The following CREB5 variants were observed in gnomAD, a reference collection of about 807,000 sequenced individuals.
CREB5 encodes cAMP responsive element binding protein 5.
Under a neutral mutation model 57.1 loss-of-function variants are expected in CREB5, and 19 were observed. The ratio of observed to expected loss-of-function variants is 0.33; its 90% CI spans 0.23 to 0.49. The LOEUF (loss-of-function observed/expected upper bound fraction) is 0.49. CREB5 is among the 20% of genes least tolerant of loss of function. CREB5 has a pLI of 0.99. For synonymous variants in CREB5, 238 were observed against 238.3 expected, an observed-to-expected ratio of 1.00 and a Z score of 0.01; for missense variants, 579 against 671.6, an observed-to-expected ratio of 0.86 and a Z score of 1.52.
intron 7 of CREB5, among the ~76,000 whole-genome samples, chr7:28,729,876 T>G (rs1803519518): frequency 6.6e-6 from 1 of 152,190 alleles, no homozygotes; most frequent in African/African-American, 2.4e-5. Context: ...GATGATGGGC[T>G]GAAGTAAGAT....
rs747483817 is a variant in CREB5, at chr7:28,819,209, G to T, written c.1457G>T (p.Ser486Ile). Residue 486 changes from serine (S) to isoleucine (I), a missense_variant, in exon 11 of 11, where the codon AGC becomes ATC. Physicochemically the swap from Ser to Ile is moderately radical, Grantham distance 142. Coordinates refer to ENST00000357727, the MANE Select transcript of CREB5 (RefSeq NM_182898.4). Reference protein sequence around the residue: ...HNTITTSSSVSEVVGSSTLSQ... With the variant: ...HNTITTSSSVIEVVGSSTLSQ... Reference sequence around the variant, plus strand: ...ACCATCACTACTTCCTCATCGGTCAGCGAGGTGGTAGGAAGCTCCACCCTC... The same window carrying T: ...ACCATCACTACTTCCTCATCGGTCATCGAGGTGGTAGGAAGCTCCACCCTC... 3 of 1,613,726 alleles carry T rather than the reference G, an allele frequency of 1.9e-6. No homozygotes were observed. Among genetic ancestry groups the T allele is most frequent in the Middle Eastern group, 1.6e-4 (1 of 6,078 alleles).
chr7:28,531,939 G>A (rs1793748332), intron 4 of CREB5, among the ~76,000 whole-genome samples: 1 of 152,242 alleles, frequency 6.6e-6, no homozygotes, highest in Non-Finnish European at 1.5e-5. Context: ...TGAGGTAGGA[G>A]AATCGTTTGA....
chr7:28,574,627 G>A (rs1024307588), intron 5 of CREB5, among the ~76,000 whole-genome samples: 14 of 152,178 alleles, frequency 9.2e-5, no homozygotes, highest in Non-Finnish European at 2.9e-5. Context: ...TCAGTACAGA[G>A]CTCTGACGGG....
intron 7 of CREB5, among the ~76,000 whole-genome samples, chr7:28,789,849 T>C (rs972615250): frequency 6.6e-6 from 1 of 152,012 alleles, no homozygotes; most frequent in Admixed American, 6.6e-5. Flanking sequence ...AAAACAAAAA[T>C]AGATCAAAAT....
chr7:28,424,451 T>C (rs547218502), intron 1 of CREB5, among the ~76,000 whole-genome samples: 1 of 152,212 alleles, frequency 6.6e-6, no homozygotes, highest in South Asian at 2.1e-4. Flanking sequence ...TGGAAAAACC[T>C]GGAACAAGTC....
At chr7:28,630,696 A>G (rs1422226576) in intron 5 of CREB5, among the ~76,000 whole-genome samples, 1 of 152,198 alleles carries the variant, frequency 6.6e-6, no homozygotes, top group Non-Finnish European at 1.5e-5. Context: ...GATTAAGTAG[A>G]TTTCCATATA....
At position 28,632,631 on chromosome 7, in the gene CREB5, G is replaced by A. The variant is rs1418164549; in HGVS notation, c.464+62094G>A. On this transcript the variant is annotated intron_variant, in intron 5 of 10. Coordinates refer to ENST00000357727, the MANE Select transcript of CREB5 (RefSeq NM_182898.4). ...GAAGGACCTATTGTCCTGGGATCCC[G>A]GGAGGACAGAGAACGCTGCTACTTA... Among the ~76,000 whole-genome samples the A allele has an allele frequency of 3.3e-5, 5 of 152,106 alleles. 1 individual carries two copies. The highest frequency in any genetic ancestry group is 7.2e-5 in the African/African-American group (3 of 41,414).
At chr7:28,327,582 C>T (rs926363514) in intron 1 of CREB5, among the ~76,000 whole-genome samples, 1 of 152,130 alleles carries the variant, frequency 6.6e-6, no homozygotes, top group African/African-American at 2.4e-5. Flanking sequence ...TTGTCTCTGC[C>T]CTTCCCACTT....
intron 1 of CREB5, among the ~76,000 whole-genome samples, chr7:28,336,615 A>AT (rs1785827939): frequency 6.6e-6 from 1 of 151,576 alleles, no homozygotes; most frequent in Admixed American, 6.6e-5. Context: ...AGGTTTGTCA[A>AT]TTTTGTTTAT....
At chr7:28,316,581 G>A (rs1785387708) in intron 1 of CREB5, among the ~76,000 whole-genome samples, 1 of 151,964 alleles carries the variant, frequency 6.6e-6, no homozygotes, top group Non-Finnish European at 1.5e-5. Flanking sequence ...CCATCCATTG[G>A]GCATCTCGTA....
intron 3 of CREB5, among the ~76,000 whole-genome samples, chr7:28,501,246 G>A (rs1792261786): frequency 1.3e-5 from 2 of 151,974 alleles, no homozygotes; most frequent in Admixed American, 1.3e-4. Flanking sequence ...TTATATTATT[G>A]GTATCTCTTT....
chr7:28,807,739 A>G (rs971882246), intron 8 of CREB5, among the ~76,000 whole-genome samples: 2 of 152,274 alleles, frequency 1.3e-5, no homozygotes, highest in African/African-American at 2.4e-5. Flanking sequence ...TTGTAAAACA[A>G]CTTTATAGGT....
intron 1 of CREB5, among the ~76,000 whole-genome samples, chr7:28,361,635 C>T (rs1786485868): frequency 6.6e-6 from 1 of 152,312 alleles, no homozygotes; most frequent in East Asian, 1.9e-4. Flanking sequence ...TGCTTTCAAA[C>T]TCCATAGAGC....
chr7:28,364,326 T>C (rs747265796), intron 1 of CREB5, among the ~76,000 whole-genome samples: 1 of 152,230 alleles, frequency 6.6e-6, no homozygotes, highest in African/African-American at 2.4e-5. Context: ...GAAAAAACTC[T>C]AGCTCTTTGA....
chr7:28,426,368 C>T (rs530623227), intron 1 of CREB5, among the ~76,000 whole-genome samples: 33 of 152,330 alleles, frequency 2.2e-4, no homozygotes, highest in African/African-American at 7.9e-4. Context: ...AAGAATTGCT[C>T]CCTTGCATAG....
At chr7:28,527,433 A>G (rs1212564529) in intron 4 of CREB5, among the ~76,000 whole-genome samples, 1 of 152,158 alleles carries the variant, frequency 6.6e-6, no homozygotes, top group Non-Finnish European at 1.5e-5. Context: ...CCTATTCTGG[A>G]CCAATTCACT....
At chr7:28,511,658 A>G (rs1009529035) in intron 4 of CREB5, among the ~76,000 whole-genome samples, 1 of 151,860 alleles carries the variant, frequency 6.6e-6, no homozygotes, top group Non-Finnish European at 1.5e-5. Flanking sequence ...CTCATTTTTC[A>G]TATTTTTTGT....
At chr7:28,336,868 T>A (rs1457410918) in intron 1 of CREB5, among the ~76,000 whole-genome samples, 2 of 152,048 alleles carry the variant, frequency 1.3e-5, no homozygotes, top group Non-Finnish European at 2.9e-5. Flanking sequence ...TTTTGCTGTA[T>A]CTGATAGGTT....
At chr7:28,756,045 T>C (rs1805278392) in intron 7 of CREB5, among the ~76,000 whole-genome samples, 1 of 151,988 alleles carries the variant, frequency 6.6e-6, no homozygotes, top group Admixed American at 6.6e-5. Context: ...ATACAGAACA[T>C]AGGAAGGTTC....
Sources: gnomAD v4.1 joint callset for allele counts (sites outside exome capture counted in the v4.1 genomes callset) on GRCh38, gnomAD v4.1.1 for gene constraint, MANE v1.5 for transcripts, NCBI Gene and HGNC (gene_info 2026-07-23, HGNC 2026-07-21) for gene names.